Variants in CHST3 observed in about 807,000 individuals in gnomAD.
CHST3 encodes carbohydrate sulfotransferase 3, also known as C6ST-1.
In CHST3, 20 loss-of-function variants were observed where a neutral mutation model predicts 35.4. The observed-to-expected ratio is 0.57, with a 90% confidence interval of 0.40 to 0.82. CHST3 has a LOEUF of 0.82. CHST3 is among the 40% of genes least tolerant of loss of function. The probability of loss-of-function intolerance (pLI) is 0.00; values close to 1 mark genes in which losing one functional copy is unlikely to be tolerated. For missense variants in CHST3, 693 were observed against 670.1 expected (o/e 1.03, Z -0.38); for synonymous variants, 334 against 295.9 (o/e 1.13, Z -1.32).
intron 1 of CHST3, among the ~76,000 whole-genome samples, chr10:71,974,365 C>A (rs1320065433): frequency 6.6e-6 from 1 of 152,294 alleles, no homozygotes; most frequent in African/African-American, 2.4e-5. Flanking sequence ...GGTTGAGTAA[C>A]CTGCCTAAAG....
At chr10:71,976,399 G>A (rs79996393) in intron 1 of CHST3, among the ~76,000 whole-genome samples, 16,276 of 152,198 alleles carry the variant, frequency 0.11, 890 homozygotes, top group Admixed American at 0.15. Flanking sequence ...CTTTTAACGC[G>A]TGTATCAGTG....
intron 1 of CHST3, among the ~76,000 whole-genome samples, chr10:72,003,709 A>G (rs530213394): frequency 6.6e-6 from 1 of 151,618 alleles, no homozygotes; most frequent in East Asian, 1.9e-4. Flanking sequence ...TCAAAAAAAA[A>G]AAAAAAAAGG....
At chr10:72,006,036 G>GC in intron 2 of CHST3, 54 bp downstream of exon 2, 2 of 1,097,682 alleles carry the variant, frequency 1.8e-6, no homozygotes, top group Non-Finnish European at 2.7e-6. Context: ...GGTGGGTGGG[G>GC]ACAGGGAGGT....
rs1007288912 is a variant in CHST3, at chr10:72,013,439, C to A, written c.*4968C>A. 14 of 152,272 alleles carry A rather than the reference C, an allele frequency of 9.2e-5. No individual in the cohort carries two copies. The highest frequency in any genetic ancestry group is 3.4e-4 in the African/African-American group (14 of 41,562). The allele number at this position is 152,272 out of a possible 1,614,324, so 9.4% of individuals were successfully genotyped here. On this transcript the variant is annotated 3_prime_UTR_variant, in exon 3 of 3. Coordinates refer to ENST00000373115, the MANE Select transcript of CHST3 (RefSeq NM_004273.5). The stretch of plus-strand genomic sequence containing the variant: ...CGTCTCCTGGAAACGCTGGGGCTGC[C>A]CTTCAGAGAGCTGGCAGCCCCAGCA...
chr10:72,004,141 C>T (rs1840016938), intron 1 of CHST3, among the ~76,000 whole-genome samples: 1 of 152,166 alleles, frequency 6.6e-6, no homozygotes, highest in Non-Finnish European at 1.5e-5. Flanking sequence ...GCACTCCAGC[C>T]TGGACGACAG....
At chr10:71,998,568 C>T (rs1002465590) in intron 1 of CHST3, among the ~76,000 whole-genome samples, 3 of 152,246 alleles carry the variant, frequency 2.0e-5, no homozygotes, top group African/African-American at 7.2e-5. Flanking sequence ...AGAAAGTGTG[C>T]TCCCCCACAG....
chr10:71,967,469 G>T (rs4747228), intron 1 of CHST3, among the ~76,000 whole-genome samples: 42,785 of 152,030 alleles, frequency 0.28, 6,045 homozygotes, highest in South Asian at 0.32. Context: ...GATAATAGCC[G>T]CTAACTCCAT....
At chr10:71,997,144 C>G (rs1214226378) in intron 1 of CHST3, among the ~76,000 whole-genome samples, 1 of 152,164 alleles carries the variant, frequency 6.6e-6, no homozygotes, top group Non-Finnish European at 1.5e-5. Context: ...TAACCCTCCC[C>G]ACTCTTCCAC....
intron 1 of CHST3, among the ~76,000 whole-genome samples, chr10:71,971,424 G>A (rs1416709503): frequency 6.6e-6 from 1 of 152,214 alleles, no homozygotes; most frequent in Admixed American, 6.5e-5. Context: ...TCTGCAGGTT[G>A]ATCAGCTTTC....
chr10:71,996,451 CGTGT>C (rs10564775), intron 1 of CHST3, among the ~76,000 whole-genome samples: 220 of 146,402 alleles, frequency 1.5e-3, no homozygotes, highest in South Asian at 3.1e-3. Flanking sequence ...TGTGTCTCTG[CGTGT>C]GTGTGTGTGT....
At position 72,007,662 on chromosome 10, in the gene CHST3, C is replaced by A. The variant is rs1485190987; in HGVS notation, c.631C>A (p.Pro211Thr). 6.2e-7 allele frequency: 1 copy of A among 1,609,366 alleles called. No individual in the cohort carries two copies. Among genetic ancestry groups the A allele is most frequent in the South Asian group, 1.1e-5 (1 of 90,874 alleles). Reference sequence around the variant, plus strand: ...GCTGGAGCACTTCATCACGCCGCTGCCCGAGGACCACCTGACTCAGTTCAT... The same window carrying A: ...GCTGGAGCACTTCATCACGCCGCTGACCGAGGACCACCTGACTCAGTTCAT... Reference protein sequence around the residue: ...YVLEHFITPLPEDHLTQFMFR... With the variant: ...YVLEHFITPLTEDHLTQFMFR... Residue 211 changes from proline (P) to threonine (T), a missense_variant, in exon 3 of 3, where the codon CCC (proline) becomes ACC (threonine). Pro to Thr is a conservative substitution (Grantham distance 38). Transcript: ENST00000373115.
In CHST3 at chr10:72,006,232, G is replaced by A. The variant is rs80170810; in HGVS notation, c.140+250G>A. ...TGTTGGCCCTCTACAGCTGTGAAAGGTTAGACAAGATACTTAACATTTCTG... is the reference window on the plus strand; with the variant it reads ...TGTTGGCCCTCTACAGCTGTGAAAGATTAGACAAGATACTTAACATTTCTG... On this transcript the variant is annotated intron_variant, in intron 2 of 2. Coordinates refer to ENST00000373115, the MANE Select transcript of CHST3 (RefSeq NM_004273.5). Among the ~76,000 whole-genome samples, 429 of 152,328 alleles carry A rather than the reference G, an allele frequency of 2.8e-3. 2 individuals carry two copies. The highest frequency in any genetic ancestry group is 9.9e-3 in the African/African-American group (411 of 41,566).
At chr10:71,969,047 C>G (rs926797189) in intron 1 of CHST3, among the ~76,000 whole-genome samples, 3 of 152,134 alleles carry the variant, frequency 2.0e-5, no homozygotes, top group Admixed American at 1.3e-4. Flanking sequence ...TGTCATTTAC[C>G]TGGTGAACAT....
At chr10:72,005,075 T>A (rs1840025344) in intron 1 of CHST3, among the ~76,000 whole-genome samples, 1 of 152,120 alleles carries the variant, frequency 6.6e-6, no homozygotes, top group South Asian at 2.1e-4. Flanking sequence ...CAGTAAACTA[T>A]GATCGTGCCA....
chr10:71,983,475 G>C (rs1185927592), intron 1 of CHST3, among the ~76,000 whole-genome samples: 1 of 152,008 alleles, frequency 6.6e-6, no homozygotes, highest in Non-Finnish European at 1.5e-5. Context: ...TTTTGAAAAG[G>C]AGTCTTGTTC....
intron 1 of CHST3, among the ~76,000 whole-genome samples, chr10:71,967,544 A>G (rs1449068664): frequency 6.6e-6 from 1 of 152,200 alleles, no homozygotes; most frequent in Non-Finnish European, 1.5e-5. Flanking sequence ...CATGGTATAT[A>G]TGTACCACAT....
chr10:72,001,771 G>A (rs564399909), intron 1 of CHST3, among the ~76,000 whole-genome samples: 5 of 152,162 alleles, frequency 3.3e-5, no homozygotes, highest in East Asian at 1.9e-4. Context: ...GTGCCTGGCC[G>A]GATGAAAGGT....
chr10:71,995,574 C>T (rs182193484), intron 1 of CHST3, among the ~76,000 whole-genome samples: 7 of 152,240 alleles, frequency 4.6e-5, no homozygotes, highest in Admixed American at 3.3e-4. Context: ...GCAACAAAAG[C>T]GTGACTCTTT....
chr10:71,995,867 G>A (rs755009035), intron 1 of CHST3, among the ~76,000 whole-genome samples: 4 of 152,090 alleles, frequency 2.6e-5, no homozygotes, highest in Non-Finnish European at 5.9e-5. Context: ...GCACTATTGC[G>A]AAAATTACCA....
Sources: allele counts gnomAD v4.1 joint callset (sites outside exome capture counted in the v4.1 genomes callset), GRCh38; gene constraint gnomAD v4.1.1; transcripts MANE v1.5; gene names NCBI Gene and HGNC (gene_info 2026-07-23, HGNC 2026-07-21).